Variants in PUS7L observed in about 807,000 individuals in gnomAD.
The protein encoded by PUS7L is pseudouridine synthase 7 like.
In PUS7L, 49 loss-of-function variants were observed where a neutral mutation model predicts 51.1. The ratio of observed to expected loss-of-function variants is 0.96; its 90% CI spans 0.76 to 1.22. The LOEUF (loss-of-function observed/expected upper bound fraction) is 1.22, where lower values mean the gene tolerates loss of function less well. Among genes scored for constraint, PUS7L ranks in the 50% most tolerant of loss-of-function variants. The probability of loss-of-function intolerance (pLI) is 0.00; values close to 1 mark genes in which losing one functional copy is unlikely to be tolerated. For synonymous variants in PUS7L, 277 were observed against 276.2 expected (o/e 1.00, Z -0.03); for missense variants, 828 against 820.6 (o/e 1.01, Z -0.11).
intron 6 of PUS7L, among the ~76,000 whole-genome samples, chr12:43,737,386 T>A (rs12306444): frequency 0.013 from 1,936 of 152,200 alleles, 44 homozygotes; most frequent in African/African-American, 0.044. Context: ...CATTGTGGTA[T>A]GGCACAAAAA....
Position 43,746,076 on chromosome 12 carries a change from C to T in PUS7L, c.1233G>A (p.Glu411=). 6.6e-7 allele frequency: 1 copy of T among 1,519,582 alleles called. No homozygotes were observed. 94.1% of individuals were successfully genotyped at this position (1,519,582 alleles called of 1,614,324 possible). Residue 411 remains glutamate, a synonymous_variant, in exon 4 of 9, where the codon GAG becomes GAA. Transcript: ENST00000344862. Reference sequence around the variant, plus strand: ...CATTTTCTATTGCTTCCATAATTCTCTCCCTCAGGTTTGCAGAATCATTTA... The same window carrying T: ...CATTTTCTATTGCTTCCATAATTCTTTCCCTCAGGTTTGCAGAATCATTTA... ...KQINDSANLR[E]RIMEAIENVK...
chr12:43,736,810 AGCTTT>A, intron 6 of PUS7L, 149 bp from the exon 7 acceptor site: 1 of 607,020 alleles, frequency 1.6e-6, no homozygotes, highest in Non-Finnish European at 2.8e-6. Flanking sequence ...ACACTTGAAG[AGCTTT>A]AAAAAAAATA....
chr12:43,734,178 G>C (rs1430445718), intron 7 of PUS7L, among the ~76,000 whole-genome samples: 1 of 152,142 alleles, frequency 6.6e-6, no homozygotes, highest in Admixed American at 6.5e-5. Context: ...TCCAGGCCAG[G>C]CCATTCCTAG....
At chr12:43,732,756 G>A (rs2137666466) in intron 7 of PUS7L, among the ~76,000 whole-genome samples, 1 of 152,218 alleles carries the variant, frequency 6.6e-6, no homozygotes, top group African/African-American at 2.4e-5. Context: ...ACTCTCCCTA[G>A]TCTTATCAAT....
chr12:43,749,831 G>A (rs1938357345), intron 2 of PUS7L, among the ~76,000 whole-genome samples: 1 of 152,114 alleles, frequency 6.6e-6, no homozygotes. Flanking sequence ...CTTATAAGTA[G>A]GAGCTAAACA....
At chr12:43,742,427 A>T in intron 5 of PUS7L, 30 bp downstream of exon 5, 1 of 1,474,338 alleles carries the variant, frequency 6.8e-7, no homozygotes, top group South Asian at 1.2e-5. Context: ...TGACAGAAAC[A>T]GATAAGATTA....
intron 7 of PUS7L, among the ~76,000 whole-genome samples, chr12:43,734,707 G>A (rs559524210): frequency 2.3e-4 from 35 of 152,024 alleles, no homozygotes; most frequent in Non-Finnish European, 3.8e-4. Flanking sequence ...TTAGGCAGCC[G>A]GGTCTTTTTA....
intron 2 of PUS7L, among the ~76,000 whole-genome samples, chr12:43,749,682 G>T (rs1403829526): frequency 6.8e-6 from 1 of 147,994 alleles, no homozygotes; most frequent in East Asian, 1.9e-4. Context: ...AGAAAAAAAG[G>T]TGGTACATAT....
At chr12:43,744,399 C>G (rs895913347) in intron 4 of PUS7L, among the ~76,000 whole-genome samples, 2 of 152,198 alleles carry the variant, frequency 1.3e-5, no homozygotes, top group African/African-American at 4.8e-5. Flanking sequence ...CTCACGAGAT[C>G]TGATGGTTTT....
chr12:43,747,528 T>C (rs1002170377), intron 3 of PUS7L, among the ~76,000 whole-genome samples: 2 of 151,800 alleles, frequency 1.3e-5, no homozygotes, highest in South Asian at 2.1e-4. Flanking sequence ...ACCCCATCTC[T>C]ACTAAAAATT....
At chr12:43,735,531 TCCATATA>T (rs1165154021) in intron 7 of PUS7L, among the ~76,000 whole-genome samples, 1 of 151,914 alleles carries the variant, frequency 6.6e-6, no homozygotes, top group Non-Finnish European at 1.5e-5. Context: ...ATTACATTGT[TCCATATA>T]CCATTATAAA....
At chr12:43,730,911 C>T (rs568746880) in intron 8 of PUS7L, among the ~76,000 whole-genome samples, 1 of 152,220 alleles carries the variant, frequency 6.6e-6, no homozygotes, top group Non-Finnish European at 1.5e-5. Context: ...CAAGGACTCA[C>T]AATAACTAAG....
chr12:43,749,479 C>T (rs951927071), intron 2 of PUS7L, among the ~76,000 whole-genome samples: 1 of 152,036 alleles, frequency 6.6e-6, no homozygotes, highest in African/African-American at 2.4e-5. Flanking sequence ...AGCAAACAAT[C>T]TAAGACCAGG....
Position 43,727,487 on chromosome 12 carries a change from A to AT in PUS7L, c.*2888dup, listed in dbSNP as rs1944470523. The AT allele has an allele frequency of 6.6e-6, 1 of 152,224 alleles. No homozygotes were observed. Among genetic ancestry groups the AT allele is most frequent in the Admixed American group, 6.5e-5 (1 of 15,280 alleles). The allele number at this position is 152,224 out of a possible 1,614,324, so 9.4% of individuals were successfully genotyped here. On this transcript the variant is annotated 3_prime_UTR_variant, in exon 9 of 9. Coordinates refer to ENST00000344862, the MANE Select transcript of PUS7L (RefSeq NM_031292.5). ...AGAAAATGTAGTACATGTATACCAGATAATACTACACAGTCATAAAAAAGA... is the reference window on the plus strand; with the variant it reads ...AGAAAATGTAGTACATGTATACCAGATTAATACTACACAGTCATAAAAAAGA...
rs537746210 is a variant in PUS7L at position 43,720,504 on chromosome 12, C to T, written c.*9872G>A. On this transcript the variant is annotated 3_prime_UTR_variant, in exon 9 of 9. Coordinates refer to ENST00000344862, the MANE Select transcript of PUS7L (RefSeq NM_031292.5). ...AAACAAAAAATAAATAAGTGCATCT[C>T]TTAATTTCTGATATATAGAGATTTT... 6.6e-6 allele frequency: 1 copy of T among 152,176 alleles called. No homozygotes were observed. The highest frequency in any genetic ancestry group is 2.1e-4 in the South Asian group (1 of 4,828). 9.4% of individuals were successfully genotyped at this position (152,176 alleles called of 1,614,324 possible). A position where few individuals can be genotyped will look rare whatever the true frequency, so the allele number is the denominator to read the frequency against.
At chr12:43,758,654 A>AACCCCCCCC (rs1939015061) in intron 1 of PUS7L, 76 bp downstream of exon 1, 1 of 437,912 alleles carries the variant, frequency 2.3e-6, no homozygotes, top group African/African-American at 7.1e-5. Flanking sequence ...CAACCTCGTC[A>AACCCCCCCC]CCCCCCCCCC....
intron 1 of PUS7L, chr12:43,758,397 T>C (rs1316674944): frequency 2.0e-6 from 2 of 985,432 alleles, no homozygotes; most frequent in Non-Finnish European, 2.4e-6. Flanking sequence ...TGGCCCGTGG[T>C]TGAGGAATTC....
chr12:43,749,690 T>C (rs1219008323), intron 2 of PUS7L, among the ~76,000 whole-genome samples: 5 of 151,996 alleles, frequency 3.3e-5, no homozygotes, highest in African/African-American at 9.7e-5. Flanking sequence ...AGGTGGTACA[T>C]ATACACCATG....
chr12:43,738,907 C>T lies in PUS7L; in HGVS notation c.1363-516G>A, dbSNP rs190172154. The T allele has an allele frequency of 1.3e-3, 309 of 229,610 alleles. 1 individual carries two copies. Among genetic ancestry groups the T allele is most frequent in the African/African-American group, 6.5e-3 (272 of 41,932 alleles). The allele number at this position is 229,610 out of a possible 1,614,324, so 14.2% of individuals were successfully genotyped here. A position where few individuals can be genotyped will look rare whatever the true frequency, so the allele number is the denominator to read the frequency against. Reference sequence around the variant, plus strand: ...CAGTGAAAACTGAGCCCCTTCTGGCCTAAAAATAAATATTAAATAGTTCTT... The same window carrying T: ...CAGTGAAAACTGAGCCCCTTCTGGCTTAAAAATAAATATTAAATAGTTCTT... On this transcript the variant is annotated intron_variant, in intron 5 of 8. Coordinates refer to ENST00000344862, the MANE Select transcript of PUS7L (RefSeq NM_031292.5).
Sources: gnomAD v4.1 joint callset for allele counts (sites outside exome capture counted in the v4.1 genomes callset) on GRCh38, gnomAD v4.1.1 for gene constraint, MANE v1.5 for transcripts, NCBI Gene and HGNC (gene_info 2026-07-23, HGNC 2026-07-21) for gene names.